ESRRB: variants seen among roughly 807,000 people sequenced by gnomAD.
ESRRB encodes the protein estrogen related receptor beta.
A neutral mutation model predicts 46.0 loss-of-function variants in ESRRB; 16 were observed. The observed-to-expected ratio is 0.35, with a 90% CI of 0.24 to 0.53. The LOEUF is 0.53. Ranked by LOEUF, ESRRB falls within the 20% of genes least tolerant of loss-of-function variation. The pLI is 0.93. For missense variants in ESRRB, 488 were observed against 607.4 expected, an observed-to-expected ratio of 0.80 and a Z score of 2.07; for synonymous variants, 246 against 259.6, an observed-to-expected ratio of 0.95 and a Z score of 0.50.
At chr14:76,324,419 T>C (rs72729693) in intron 1 of ESRRB, among the ~76,000 whole-genome samples, 11,148 of 152,174 alleles carry the variant, frequency 0.073, 520 homozygotes, top group Admixed American at 0.092. Flanking sequence ...GGAGCATCAC[T>C]GGCCAGAGGG....
chr14:76,446,582 T>G (rs1334465909), intron 2 of ESRRB, among the ~76,000 whole-genome samples: 1 of 152,090 alleles, frequency 6.6e-6, no homozygotes, highest in Admixed American at 6.6e-5. Flanking sequence ...CCTGGAGGCA[T>G]AGAAAAAACA....
At chr14:76,418,031 C>T (rs1184736174) in intron 1 of ESRRB, among the ~76,000 whole-genome samples, 1 of 149,552 alleles carries the variant, frequency 6.7e-6, no homozygotes. Flanking sequence ...TCTTGGCCCA[C>T]TGCAACCTCT....
intron 3 of ESRRB, among the ~76,000 whole-genome samples, chr14:76,470,425 T>C (rs917467071): frequency 4.6e-5 from 7 of 152,220 alleles, no homozygotes; most frequent in Non-Finnish European, 1.0e-4. Flanking sequence ...AAGCTTAGCA[T>C]GTGGCTTGCC....
chr14:76,406,171 G>A (rs1288963276), intron 1 of ESRRB, among the ~76,000 whole-genome samples: 4 of 152,162 alleles, frequency 2.6e-5, no homozygotes, highest in South Asian at 4.2e-4. Flanking sequence ...GGGCTGAGTG[G>A]ACAAACCGCC....
chr14:76,390,332 T>C (rs1885415726), intron 1 of ESRRB, among the ~76,000 whole-genome samples: 1 of 152,000 alleles, frequency 6.6e-6, no homozygotes, highest in Non-Finnish European at 1.5e-5. Context: ...CTATTAAAAA[T>C]ACAAAAATCA....
chr14:76,375,007 T>C (rs953960693), upstream of ESRRB, among the ~76,000 whole-genome samples: 7 of 152,164 alleles, frequency 4.6e-5, no homozygotes, highest in Non-Finnish European at 8.8e-5. Flanking sequence ...GCTTGAACAT[T>C]GCCTGCAGTT....
chr14:76,468,252 CTT>C (rs898193870), intron 3 of ESRRB, among the ~76,000 whole-genome samples: 2 of 152,118 alleles, frequency 1.3e-5, no homozygotes, highest in African/African-American at 4.8e-5. Flanking sequence ...TTTAAAAATT[CTT>C]TTTCTTTTCC....
At chr14:76,417,912 C>A (rs1474335712) in intron 1 of ESRRB, among the ~76,000 whole-genome samples, 2 of 149,864 alleles carry the variant, frequency 1.3e-5, no homozygotes, top group Non-Finnish European at 2.9e-5. Flanking sequence ...CTCTCTCCTC[C>A]AAGAGGCAGA....
chr14:76,408,675 C>T (rs1886305977), intron 1 of ESRRB, among the ~76,000 whole-genome samples: 1 of 150,410 alleles, frequency 6.6e-6, no homozygotes, highest in South Asian at 2.1e-4. Context: ...TGGCATGCAG[C>T]AGGCACTCAG....
intron 1 of ESRRB, among the ~76,000 whole-genome samples, chr14:76,322,325 T>C (rs1883876782): frequency 6.6e-6 from 1 of 152,174 alleles, no homozygotes; most frequent in Non-Finnish European, 1.5e-5. Context: ...TTTCTAAAAA[T>C]CTCTGCTGAG....
chr14:76,450,099 T>C (rs1408049562), intron 2 of ESRRB, among the ~76,000 whole-genome samples: 2 of 151,510 alleles, frequency 1.3e-5, no homozygotes, highest in African/African-American at 2.4e-5. Context: ...ACAGGTGTTA[T>C]GAAGGAGAAA....
intron 1 of ESRRB, among the ~76,000 whole-genome samples, chr14:76,320,649 T>G (rs376317636): frequency 6.6e-6 from 1 of 152,190 alleles, no homozygotes; most frequent in South Asian, 2.1e-4. Flanking sequence ...CACAGCCCAG[T>G]GTCGACTTGG....
intron 5 of ESRRB, among the ~76,000 whole-genome samples, chr14:76,491,171 T>C (rs1184654793): frequency 3.3e-5 from 5 of 152,210 alleles, no homozygotes; most frequent in African/African-American, 4.8e-5. Flanking sequence ...GAAAATACCA[T>C]AGAGCTAACA....
At chr14:76,359,156 T>A (rs1662832076) in intron 1 of ESRRB, among the ~76,000 whole-genome samples, 2 of 152,182 alleles carry the variant, frequency 1.3e-5, no homozygotes, top group South Asian at 4.1e-4. Flanking sequence ...TAATAATAAT[T>A]CTAACATCCA....
At chr14:76,368,002 G>A (rs1376980682), upstream of ESRRB, among the ~76,000 whole-genome samples, 1 of 140,704 alleles carries the variant, frequency 7.1e-6, no homozygotes, top group Non-Finnish European at 1.5e-5. Context: ...ACCCAGCCTG[G>A]AGTGCAGTGG....
At chr14:76,332,234 C>T (rs1019130761) in intron 1 of ESRRB, among the ~76,000 whole-genome samples, 5 of 151,140 alleles carry the variant, frequency 3.3e-5, no homozygotes, top group African/African-American at 1.2e-4. Context: ...TTAGAATCTG[C>T]GTGGGCTGGA....
chr14:76,389,741 G>A (rs972652593), intron 1 of ESRRB, among the ~76,000 whole-genome samples: 13 of 152,040 alleles, frequency 8.6e-5, no homozygotes, highest in African/African-American at 2.7e-4. Flanking sequence ...CAGTTTTGTG[G>A]GCTGATGGTC....
At chr14:76,330,727 G>A (rs565011424) in intron 1 of ESRRB, among the ~76,000 whole-genome samples, 4 of 152,236 alleles carry the variant, frequency 2.6e-5, no homozygotes, top group South Asian at 2.1e-4. Flanking sequence ...AAGCAAGGGC[G>A]CTGTCCCTGG....
intron 1 of ESRRB, among the ~76,000 whole-genome samples, chr14:76,314,031 C>T (rs939025365): frequency 5.7e-4 from 86 of 152,034 alleles, no homozygotes; most frequent in African/African-American, 1.9e-3. Flanking sequence ...AGAGTGACTC[C>T]GAATATTTAT....
Sources: allele counts gnomAD v4.1 joint callset (sites outside exome capture counted in the v4.1 genomes callset), GRCh38; gene constraint gnomAD v4.1.1; transcripts MANE v1.5; gene names NCBI Gene and HGNC (gene_info 2026-07-23, HGNC 2026-07-21).